The following TIPARP variants were observed in gnomAD, a reference collection of about 807,000 sequenced individuals.
The protein encoded by TIPARP is TCDD inducible poly(ADP-ribose) polymerase, also known as protein mono-ADP-ribosyltransferase TIPARP.
TIPARP carries 12 observed loss-of-function variants against 56.5 expected under a neutral mutation model. The ratio of observed to expected loss-of-function variants is 0.21; its 90% CI spans 0.14 to 0.34. The LOEUF is 0.34. TIPARP is among the 10% of genes least tolerant of loss of function. TIPARP has a pLI of 1.00. For synonymous variants in TIPARP, 296 were observed against 265.7 expected, an observed-to-expected ratio of 1.11 and a Z score of -1.11; for missense variants, 604 against 781.6, an observed-to-expected ratio of 0.77 and a Z score of 2.71.
Position 156,678,122 on chromosome 3 carries a change from T to C in TIPARP, c.425T>C (p.Phe142Ser), listed in dbSNP as rs754124618. Residue 142 changes from phenylalanine (F) to serine (S), a missense_variant, in exon 2 of 6, where the codon TTT (phenylalanine) becomes TCT (serine). This residue lies in a region of TIPARP where 261 missense variants were observed against 279.2 expected (regional missense o/e 0.93). Transcript: ENST00000295924. ...ERVVPIQDHS[F>S]PSETLSGTVA... ...GTGGTTCCAATCCAAGATCACAGCT[T>C]TCCATCAGAAACCCTCAGTGGGACG... 1 of 1,614,098 alleles carries C rather than the reference T, an allele frequency of 6.2e-7. No individual in the cohort carries two copies. Among genetic ancestry groups the C allele is most frequent in the Non-Finnish European group, 8.5e-7 (1 of 1,180,030 alleles).
intron 4 of TIPARP, among the ~76,000 whole-genome samples, chr3:156,699,559 A>G (rs940032453): frequency 2.0e-5 from 3 of 152,206 alleles, no homozygotes; most frequent in Non-Finnish European, 2.9e-5. Flanking sequence ...GAATGCTATT[A>G]TGTACTGAAT....
At position 156,678,184 on chromosome 3, in the gene TIPARP, C is replaced by A. The variant is rs776070977; in HGVS notation, c.487C>A (p.Leu163Ile). Reference protein sequence around the residue: ...DSTPAHFQTDLLHPVSSDVPT... With the variant: ...DSTPAHFQTDILHPVSSDVPT... ...CACACCAGCTCACTTCCAGACTGAT[C>A]TTTTGCACCCAGTTTCAAGTGATGT... The change falls in exon 2 of 6, where the codon CTT becomes ATT. Residue 163 changes from leucine (L) to isoleucine (I), a missense_variant. By Grantham distance (5) the Leu-to-Ile change is conservative. Transcript: ENST00000295924. The A allele has an allele frequency of 4.3e-6, 7 of 1,614,012 alleles. No individual in the cohort carries two copies. The highest frequency in any genetic ancestry group is 4.0e-5 in the African/African-American group (3 of 74,916).
Position 156,687,917 on chromosome 3 carries a change from C to A in TIPARP, c.918-6103C>A, listed in dbSNP as rs116965107. 2.1e-3 allele frequency among the ~76,000 whole-genome samples: 324 copies of A among 152,296 alleles called. 8 individuals are homozygous for A. In the East Asian group the frequency reaches 0.051, roughly 24 times the overall value. ...GATGTCTCAGGAGGTACCAAGGGAGCAGCAACAAGGCCTAATGATCACTTC... is the reference window on the plus strand; with the variant it reads ...GATGTCTCAGGAGGTACCAAGGGAGAAGCAACAAGGCCTAATGATCACTTC... On this transcript the variant is annotated intron_variant, in intron 2 of 5. Coordinates refer to ENST00000295924, the MANE Select transcript of TIPARP (RefSeq NM_015508.5).
chr3:156,684,067 G>T (rs998592006), intron 2 of TIPARP, among the ~76,000 whole-genome samples: 1 of 152,122 alleles, frequency 6.6e-6, no homozygotes, highest in Non-Finnish European at 1.5e-5. Context: ...TAGTACATGT[G>T]TATATCATTT....
In TIPARP at chr3:156,699,026, A is replaced by AG. The variant is rs1477051201; in HGVS notation, c.1247+3003dup. ...GCAGATGTGGTGGCAATAGCAAGAGAGGTAGAAGTAGAAGTGTAGCCTGAA... is the reference window on the plus strand; with the variant it reads ...GCAGATGTGGTGGCAATAGCAAGAGAGGGTAGAAGTAGAAGTGTAGCCTGAA... On this transcript the variant is annotated intron_variant, in intron 4 of 5. Coordinates refer to ENST00000295924, the MANE Select transcript of TIPARP (RefSeq NM_015508.5). 3.3e-5 allele frequency among the ~76,000 whole-genome samples: 5 copies of AG among 152,314 alleles called. No homozygotes were observed. The East Asian group carries it at 9.6e-4, about 29-fold the overall frequency.
Position 156,678,363 on chromosome 3 carries a change from C to T in TIPARP, c.666C>T (p.Leu222=), listed in dbSNP as rs1388499319. Residue 222 remains leucine, a synonymous_variant, in exon 2 of 6, where the codon CTC becomes CTT. Transcript: ENST00000295924. Reference sequence around the variant, plus strand: ...AAAGTGAAGAGGCTTCCCTTGACCTCGTGTTTGAGCTGGTGAACCAGTTGC... The same window carrying T: ...AAAGTGAAGAGGCTTCCCTTGACCTTGTGTTTGAGCTGGTGAACCAGTTGC... ...QDKSEEASLD[L]VFELVNQLQY... The T allele has an allele frequency of 1.9e-6, 3 of 1,614,068 alleles. No individual in the cohort carries two copies. The highest frequency in any genetic ancestry group is 1.3e-5 in the African/African-American group (1 of 74,926).
At chr3:156,699,591 A>G (rs1449867490) in intron 4 of TIPARP, among the ~76,000 whole-genome samples, 1 of 152,212 alleles carries the variant, frequency 6.6e-6, no homozygotes, top group Non-Finnish European at 1.5e-5. Context: ...TAGTATAAAC[A>G]TAACTTTTAT....
intron 4 of TIPARP, among the ~76,000 whole-genome samples, chr3:156,702,137 T>C (rs1363682701): frequency 2.6e-5 from 4 of 151,556 alleles, no homozygotes; most frequent in Non-Finnish European, 5.9e-5. Context: ...CCTAGTATCC[T>C]GTCGATCACT....
chr3:156,682,217 A>G (rs531368604), intron 2 of TIPARP, among the ~76,000 whole-genome samples: 1 of 152,348 alleles, frequency 6.6e-6, no homozygotes, highest in African/African-American at 2.4e-5. Flanking sequence ...CTGCAGGTGC[A>G]CATGTGACCA....
At chr3:156,700,117 T>A (rs1248811633) in intron 4 of TIPARP, among the ~76,000 whole-genome samples, 1 of 152,186 alleles carries the variant, frequency 6.6e-6, no homozygotes, top group East Asian at 1.9e-4. Context: ...TTTTTAAAAC[T>A]TTTTTAGAGA....
intron 4 of TIPARP, among the ~76,000 whole-genome samples, chr3:156,699,557 T>G (rs1722795697): frequency 6.6e-6 from 1 of 152,204 alleles, no homozygotes; most frequent in Non-Finnish European, 1.5e-5. Context: ...ATGAATGCTA[T>G]TATGTACTGA....
chr3:156,694,002 GTTTTTGTTTTTT>G lies in TIPARP; in HGVS notation c.918-14_918-3del. On this transcript the variant is annotated splice_region_variant and splice_polypyrimidine_tract_variant and intron_variant, in intron 2 of 5. Coordinates refer to ENST00000295924, the MANE Select transcript of TIPARP (RefSeq NM_015508.5). The stretch of plus-strand genomic sequence containing the variant: ...ATTAACAGGTTTTTGGGTTTTTTTT[GTTTTTGTTTTTT>G]TTTAGAGGACAAGAATTTTGGGCAG... The G allele has an allele frequency of 1.3e-6, 2 of 1,561,228 alleles. No homozygotes were observed. Among genetic ancestry groups the G allele is most frequent in the African/African-American group, 2.8e-5 (2 of 71,382 alleles).
intron 2 of TIPARP, among the ~76,000 whole-genome samples, chr3:156,684,064 T>C (rs1722368955): frequency 1.3e-5 from 2 of 152,210 alleles, no homozygotes; most frequent in Non-Finnish European, 1.5e-5. Context: ...ACTTAGTACA[T>C]GTGTATATCA....
At chr3:156,696,120 G>A in intron 4 of TIPARP, 95 bp downstream of exon 4, 1 of 1,379,072 alleles carries the variant, frequency 7.3e-7, no homozygotes, top group Non-Finnish European at 9.8e-7. Context: ...AGTCTACCTT[G>A]GTTAGTACTC....
Position 156,702,074 on chromosome 3 carries a change from T to TGTGGTGGTG in TIPARP, c.1248-1337_1248-1329dup, listed in dbSNP as rs1260076842. 4.0e-4 allele frequency among the ~76,000 whole-genome samples: 25 copies of TGTGGTGGTG among 62,598 alleles called. 1 individual carries two copies. Among genetic ancestry groups the TGTGGTGGTG allele is most frequent in the African/African-American group, 1.4e-3 (24 of 16,570 alleles). The allele number at this position is 62,598 out of a possible 152,430, so 41.1% of individuals were successfully genotyped here. On this transcript the variant is annotated intron_variant, in intron 4 of 5. Transcript: ENST00000295924. ...TGGTGGTGGTGGTGGTGGTGGTGGT[T>TGTGGTGGTG]GTGGTGGTGGTGGTGGTGGTGATGG...
intron 2 of TIPARP, among the ~76,000 whole-genome samples, chr3:156,689,507 G>C (rs1466445518): frequency 6.6e-6 from 1 of 152,160 alleles, no homozygotes; most frequent in Non-Finnish European, 1.5e-5. Context: ...AAATAAATAA[G>C]TAAATCATTC....
chr3:156,682,286 A>G (rs559906566), intron 2 of TIPARP, among the ~76,000 whole-genome samples: 134 of 152,214 alleles, frequency 8.8e-4, no homozygotes, highest in Non-Finnish European at 1.4e-3. Flanking sequence ...GGAAGAGGAA[A>G]GTTGCAAACC....
chr3:156,676,190 T>C (rs1267615540), intron 1 of TIPARP, among the ~76,000 whole-genome samples: 1 of 152,246 alleles, frequency 6.6e-6, no homozygotes, highest in Admixed American at 6.5e-5. Flanking sequence ...AACGCCTGGC[T>C]TGGCTCCTTT....
At chr3:156,703,837 C>G in intron 5 of TIPARP, 135 bp downstream of exon 5, 1 of 905,878 alleles carries the variant, frequency 1.1e-6, no homozygotes, top group African/African-American at 1.7e-5. Context: ...CACGGTGAAA[C>G]CCCGTCTCTA....
Sources: gnomAD v4.1 joint callset for allele counts (sites outside exome capture counted in the v4.1 genomes callset) on GRCh38, gnomAD v4.1.1 for gene constraint, gnomAD v4.1.1 regional missense constraint, MANE v1.5 for transcripts, NCBI Gene and HGNC (gene_info 2026-07-23, HGNC 2026-07-21) for gene names.